Variants in CDKL5 observed in about 807,000 individuals in gnomAD.
CDKL5 encodes the protein cyclin-dependent kinase-like 5.
In CDKL5, 8 loss-of-function variants were observed where a neutral mutation model predicts 61.7. That is an observed-to-expected ratio of 0.13 (90% CI 0.08 to 0.23). The LOEUF (loss-of-function observed/expected upper bound fraction) is 0.23, where lower values mean the gene tolerates loss of function less well. Ranked by LOEUF, CDKL5 falls within the 10% of genes least tolerant of loss-of-function variation. The pLI is 1.00. For missense variants in CDKL5, 440 were observed against 734.5 expected (o/e 0.60, Z 4.63); for synonymous variants, 275 against 272.3 (o/e 1.01, Z -0.10).
intron 1 of CDKL5, among the ~76,000 whole-genome samples, chrX:18,469,404 T>G (rs1194704761): frequency 9.5e-6 from 1 of 104,761 alleles, no homozygotes; most frequent in Non-Finnish European, 1.9e-5. Flanking sequence ...ATCCCAGCAC[T>G]TTGGGAGGCC....
At chrX:18,455,153 A>G (rs1186558498) in intron 1 of CDKL5, among the ~76,000 whole-genome samples, 1 of 111,486 alleles carries the variant, frequency 9.0e-6, no homozygotes, top group Non-Finnish European at 1.9e-5. Flanking sequence ...AAGTAGAGCA[A>G]TAATTTAGAT....
At chrX:18,515,035 G>GGC (rs1024379678) in intron 3 of CDKL5, among the ~76,000 whole-genome samples, 1 of 112,043 alleles carries the variant, frequency 8.9e-6, no homozygotes, top group Non-Finnish European at 1.9e-5. Context: ...CTGACCTCAA[G>GGC]TGATCTGCCT....
At chrX:18,537,452 A>C (rs1923882563) in intron 3 of CDKL5, among the ~76,000 whole-genome samples, 1 of 112,292 alleles carries the variant, frequency 8.9e-6, no homozygotes, top group African/African-American at 3.2e-5. Flanking sequence ...ATTACAGTAT[A>C]GTATCGTAAC....
Position 18,604,506 on chromosome X carries a change from A to G in CDKL5, c.1582A>G (p.Thr528Ala). The G allele has an allele frequency of 8.3e-7, 1 of 1,211,185 alleles. No homozygotes were observed. Among genetic ancestry groups the G allele is most frequent in the Non-Finnish European group, 1.1e-6 (1 of 895,376 alleles). Residue 528 changes from threonine to alanine, a missense_variant, in exon 12 of 18, where the codon ACC becomes GCC. Transcript: ENST00000623535. ...TAGCTGCTTAGACTTGAATTCTCCCACCAGCCCAACCCCCACCAGACACAG... is the reference window on the plus strand; with the variant it reads ...TAGCTGCTTAGACTTGAATTCTCCCGCCAGCCCAACCCCCACCAGACACAG... ...PSSCLDLNSP[T>A]SPTPTRHSDT...
intron 9 of CDKL5, among the ~76,000 whole-genome samples, chrX:18,590,505 C>T (rs1236504010): frequency 8.9e-6 from 1 of 112,102 alleles, no homozygotes; most frequent in African/African-American, 3.2e-5. Context: ...CCTGAGTGCC[C>T]AACCGTCCAG....
intron 3 of CDKL5, among the ~76,000 whole-genome samples, chrX:18,548,873 C>T (rs1261189394): frequency 8.9e-6 from 1 of 112,059 alleles, no homozygotes; most frequent in Admixed American, 9.5e-5. Context: ...GCAGCCATAT[C>T]TCTCATGAAT....
rs1165862884 is a variant in CDKL5, at chrX:18,634,039, T to G, written c.*5282T>G. 1 of 752,478 alleles carries G rather than the reference T, an allele frequency of 1.3e-6. No individual in the cohort carries two copies. Among genetic ancestry groups the G allele is most frequent in the Non-Finnish European group, 1.6e-6 (1 of 639,147 alleles). 62.0% of individuals were successfully genotyped at this position (752,478 alleles called of 1,213,427 possible). ...ATTGCGGCAGTGAAACTAGTTTCAC[T>G]TCTAAAGCCCTTCATTTCCCACAAG... On this transcript the variant is annotated 3_prime_UTR_variant, in exon 18 of 18. Transcript: ENST00000623535.
At chrX:18,464,096 G>A (rs1359923775) in intron 1 of CDKL5, among the ~76,000 whole-genome samples, 1 of 109,489 alleles carries the variant, frequency 9.1e-6, no homozygotes, top group Non-Finnish European at 1.9e-5. Context: ...TTGAATGTGA[G>A]TTCACATTTT....
intron 20 of CDKL5, chrX:18,647,414 C>T: frequency 1.9e-6 from 2 of 1,072,956 alleles, no homozygotes; most frequent in Non-Finnish European, 2.6e-6. Flanking sequence ...AAAACAAACC[C>T]ATCTGCTTTG....
chrX:18,521,459 C>CT (rs975599101), intron 3 of CDKL5, among the ~76,000 whole-genome samples: 2 of 109,584 alleles, frequency 1.8e-5, no homozygotes, highest in East Asian at 2.9e-4. Context: ...TTATGGCTGT[C>CT]TTTTTTTTAA....
intron 4 of CDKL5, among the ~76,000 whole-genome samples, chrX:18,572,311 A>T (rs189839289): frequency 5.4e-4 from 61 of 112,156 alleles, no homozygotes; most frequent in Non-Finnish European, 1.0e-3. Flanking sequence ...GCCATTCTGA[A>T]GAGGGTTTAT....
At chrX:18,520,701 G>A (rs1569201098) in intron 3 of CDKL5, among the ~76,000 whole-genome samples, 2 of 111,623 alleles carry the variant, frequency 1.8e-5, no homozygotes, top group Non-Finnish European at 3.8e-5. Flanking sequence ...AGCAATGTAT[G>A]AGAGTTCCAA....
At chrX:18,451,688 C>A (rs974966189) in intron 1 of CDKL5, among the ~76,000 whole-genome samples, 8 of 111,024 alleles carry the variant, frequency 7.2e-5, no homozygotes, top group Non-Finnish European at 1.3e-4. Flanking sequence ...CAGGTGTGCG[C>A]CACCATGTCC....
In CDKL5 at chrX:18,598,619, T is replaced by C. The variant is rs1319941568; in HGVS notation, c.977+6T>C. 1 of 1,205,330 alleles carries C rather than the reference T, an allele frequency of 8.3e-7. No individual in the cohort carries two copies. On this transcript the variant is annotated splice_donor_region_variant and intron_variant, in intron 11 of 17. Transcript: ENST00000623535. ...AGCAGCACATTGTCTAATAGGTAAATATTCCCTTTTAAGGAAATACAGATG... is the reference window on the plus strand; with the variant it reads ...AGCAGCACATTGTCTAATAGGTAAACATTCCCTTTTAAGGAAATACAGATG...
intron 3 of CDKL5, among the ~76,000 whole-genome samples, chrX:18,563,948 G>A (rs1480834406): frequency 8.9e-6 from 1 of 111,764 alleles, no homozygotes; most frequent in Non-Finnish European, 1.9e-5. Context: ...AGGGCAGGAC[G>A]AAGGTGATGA....
chrX:18,460,145 C>T (rs184258324), intron 1 of CDKL5, among the ~76,000 whole-genome samples: 4 of 110,972 alleles, frequency 3.6e-5, no homozygotes, highest in Admixed American at 9.7e-5. Flanking sequence ...GTGATCCGCC[C>T]GCCTCGGCCT....
intron 4 of CDKL5, among the ~76,000 whole-genome samples, chrX:18,572,372 G>A (rs1206754374): frequency 8.9e-6 from 1 of 112,039 alleles, no homozygotes; most frequent in East Asian, 2.8e-4. Flanking sequence ...ATAGTACGAT[G>A]TTTTTTCATT....
intron 1 of CDKL5, among the ~76,000 whole-genome samples, chrX:18,458,874 A>G (rs1932211114): frequency 8.9e-6 from 1 of 112,253 alleles, no homozygotes; most frequent in Non-Finnish European, 1.9e-5. Flanking sequence ...GTTAGGTAGC[A>G]CTGGTCTAGA....
chrX:18,628,221 G>A (rs1459433900), intron 17 of CDKL5, 150 bp from the exon 18 acceptor site: 13 of 573,866 alleles, frequency 2.3e-5, no homozygotes, highest in South Asian at 4.8e-5. Flanking sequence ...GAAAAAACCC[G>A]AAGAACAGAT....
Sources: allele counts gnomAD v4.1 joint callset (sites outside exome capture counted in the v4.1 genomes callset), GRCh38; gene constraint gnomAD v4.1.1; transcripts MANE v1.5; gene names NCBI Gene and HGNC (gene_info 2026-07-23, HGNC 2026-07-21).